TFEC: variants seen among roughly 807,000 people sequenced by gnomAD.
TFEC encodes class E basic helix-loop-helix protein 34.
TFEC carries 31 observed loss-of-function variants against 41.6 expected under a neutral mutation model. The observed-to-expected ratio is 0.74, with a 90% confidence interval of 0.56 to 1.01. The LOEUF is 1.01. TFEC is among the 50% of genes least tolerant of loss of function. The pLI, the probability that TFEC is intolerant of heterozygous loss-of-function variation, is 0.00. For synonymous variants in TFEC, 143 were observed against 140.6 expected, an observed-to-expected ratio of 1.02 and a Z score of -0.12; for missense variants, 402 against 404.1, an observed-to-expected ratio of 0.99 and a Z score of 0.04.
chr7:116,097,376 A>T (rs1797490259), intron 3 of TFEC, among the ~76,000 whole-genome samples: 1 of 152,176 alleles, frequency 6.6e-6, no homozygotes, highest in South Asian at 2.1e-4. Flanking sequence ...TTAATTTACA[A>T]ATTAGCTTCA....
chr7:116,143,463 A>C (rs1462500287), intron 1 of TFEC, among the ~76,000 whole-genome samples: 2 of 152,202 alleles, frequency 1.3e-5, no homozygotes, highest in African/African-American at 2.4e-5. Flanking sequence ...TTCTCATTCC[A>C]GGACGAAAAG....
intron 3 of TFEC, among the ~76,000 whole-genome samples, chr7:116,092,824 C>G (rs568827220): frequency 3.9e-5 from 6 of 152,224 alleles, no homozygotes; most frequent in Admixed American, 3.3e-4. Context: ...GAGTAGTTAA[C>G]CACTTGCCAG....
chr7:116,131,489 T>C (rs1353291342), intron 1 of TFEC, among the ~76,000 whole-genome samples: 1 of 152,226 alleles, frequency 6.6e-6, no homozygotes, highest in East Asian at 1.9e-4. Context: ...TCTCATTTAC[T>C]AATTTAGTAA....
At chr7:116,097,382 C>T (rs990278074) in intron 3 of TFEC, among the ~76,000 whole-genome samples, 3 of 152,090 alleles carry the variant, frequency 2.0e-5, no homozygotes, top group Non-Finnish European at 2.9e-5. Context: ...TACAAATTAG[C>T]TTCAGTCAGA....
intron 1 of TFEC, among the ~76,000 whole-genome samples, chr7:116,016,075 T>TATTA (rs1308732421): frequency 6.6e-6 from 1 of 152,064 alleles, no homozygotes; most frequent in African/African-American, 2.4e-5. Flanking sequence ...CTCAAAAAAG[T>TATTA]ATTACACAAG....
intron 3 of TFEC, among the ~76,000 whole-genome samples, chr7:116,043,486 G>A (rs1481331586): frequency 1.3e-5 from 2 of 152,026 alleles, no homozygotes; most frequent in Admixed American, 6.6e-5. Context: ...AGAAAATACT[G>A]AACTAAATCA....
At chr7:116,081,315 AAT>A (rs1338630033) in intron 3 of TFEC, among the ~76,000 whole-genome samples, 2 of 151,834 alleles carry the variant, frequency 1.3e-5, no homozygotes, top group Non-Finnish European at 1.5e-5. Flanking sequence ...ATAAAAAAAA[AAT>A]AAGTCCATCT....
At chr7:115,986,505 G>A (rs1175613181) in intron 1 of TFEC, among the ~76,000 whole-genome samples, 1 of 151,988 alleles carries the variant, frequency 6.6e-6, no homozygotes, top group Non-Finnish European at 1.5e-5. Context: ...CATAACACAT[G>A]CAATGAAATT....
intron 1 of TFEC, among the ~76,000 whole-genome samples, chr7:116,123,303 G>A (rs1798145951): frequency 1.3e-5 from 2 of 151,976 alleles, no homozygotes; most frequent in Admixed American, 1.3e-4. Flanking sequence ...TTTGTCCCTT[G>A]GATCCAACCT....
At chr7:115,972,140 C>T (rs904506739) in intron 3 of TFEC, among the ~76,000 whole-genome samples, 3 of 151,974 alleles carry the variant, frequency 2.0e-5, no homozygotes, top group Non-Finnish European at 4.4e-5. Flanking sequence ...TAACTTGCTA[C>T]TTTTCTGCCT....
chr7:115,967,638 G>A (rs182381604), intron 3 of TFEC, among the ~76,000 whole-genome samples: 202 of 151,850 alleles, frequency 1.3e-3, no homozygotes, highest in Middle Eastern at 6.8e-3. Context: ...TGTTATTGCT[G>A]TTATTATTTT....
intron 3 of TFEC, among the ~76,000 whole-genome samples, chr7:116,058,759 G>C (rs924906821): frequency 1.3e-5 from 2 of 151,598 alleles, no homozygotes; most frequent in Non-Finnish European, 3.0e-5. Context: ...CAAATATTTA[G>C]AGCAAAATAA....
upstream of TFEC, chr7:116,030,906 T>C: frequency 1.2e-6 from 1 of 822,338 alleles, no homozygotes; most frequent in Non-Finnish European, 1.5e-6. Context: ...ACTTCCTTTC[T>C]TTATCTGAAA....
chr7:115,990,437 G>C (rs1032045738), intron 1 of TFEC, among the ~76,000 whole-genome samples: 10 of 152,160 alleles, frequency 6.6e-5, no homozygotes, highest in African/African-American at 2.4e-4. Context: ...ACTTCCCTGA[G>C]CTAAAGGAGG....
intron 2 of TFEC, among the ~76,000 whole-genome samples, chr7:115,976,560 T>A (rs185370479): frequency 6.6e-6 from 1 of 152,308 alleles, no homozygotes; most frequent in East Asian, 1.9e-4. Context: ...CACAGAGAGA[T>A]CTTTAAAGAA....
intron 1 of TFEC, among the ~76,000 whole-genome samples, chr7:116,004,331 T>C (rs1045315694): frequency 3.9e-5 from 6 of 152,120 alleles, no homozygotes; most frequent in African/African-American, 1.4e-4. Context: ...AAAGGGGTAA[T>C]AAGTGAATAC....
chr7:115,998,583 A>G (rs1794461056), intron 1 of TFEC, among the ~76,000 whole-genome samples: 1 of 152,180 alleles, frequency 6.6e-6, no homozygotes, highest in South Asian at 2.1e-4. Flanking sequence ...AGTCTATAAG[A>G]AACACACATT....
At chr7:116,021,156 A>G (rs1361569867) in intron 1 of TFEC, among the ~76,000 whole-genome samples, 1 of 152,238 alleles carries the variant, frequency 6.6e-6, no homozygotes, top group Non-Finnish European at 1.5e-5. Flanking sequence ...TTAAAAAGCC[A>G]TGCAAATAAT....
In TFEC at chr7:116,015,576, G is replaced by A. The variant is rs1305626890; in HGVS notation, c.-73+15057C>T. Among the ~76,000 whole-genome samples, 5 of 152,080 alleles carry A rather than the reference G, an allele frequency of 3.3e-5. No individual in the cohort carries two copies. In the East Asian group the frequency reaches 9.6e-4, roughly 29 times the overall value. On this transcript the variant is annotated intron_variant, in intron 1 of 7. Coordinates refer to ENST00000265440, the MANE Select transcript of TFEC (RefSeq NM_012252.4). ...ATATCCCTCAGGCAATAATATAAAG[G>A]GGGAGTTATTGAAAGACCTTACTGG...
Sources: allele counts gnomAD v4.1 joint callset (sites outside exome capture counted in the v4.1 genomes callset), GRCh38; gene constraint gnomAD v4.1.1; transcripts MANE v1.5; gene names NCBI Gene and HGNC (gene_info 2026-07-23, HGNC 2026-07-21).